The following KIF1A variants were observed in gnomAD, a reference collection of about 807,000 sequenced individuals.
KIF1A encodes kinesin-like protein KIF1A.
A neutral mutation model predicts 227.3 loss-of-function variants in KIF1A; 46 were observed. The observed-to-expected ratio is 0.20, with a 90% CI of 0.16 to 0.26. The LOEUF is 0.26. Among genes scored for constraint, KIF1A ranks in the 10% least tolerant of loss-of-function variants. KIF1A has a pLI of 1.00. For synonymous variants in KIF1A, 1,022 were observed against 1,012.8 expected, an observed-to-expected ratio of 1.01 and a Z score of -0.17; for missense variants, 1,683 against 2,485.9, an observed-to-expected ratio of 0.68 and a Z score of 6.87.
At chr2:240,807,104 G>A (rs1396817617) in intron 1 of KIF1A, among the ~76,000 whole-genome samples, 20 of 101,504 alleles carry the variant, frequency 2.0e-4, no homozygotes, top group African/African-American at 5.5e-4. Context: ...GTGTGTGTGT[G>A]TGTGTGTGTG....
chr2:240,766,886 T>C lies in KIF1A; in HGVS notation c.1684+29A>G, dbSNP rs2051276626. 1.3e-6 allele frequency: 2 copies of C among 1,495,556 alleles called. No homozygotes were observed. The highest frequency in any genetic ancestry group is 1.4e-5 in the African/African-American group (1 of 72,348). The allele number at this position is 1,495,556 out of a possible 1,614,324, so 92.6% of individuals were successfully genotyped here. A position where few individuals can be genotyped will look rare whatever the true frequency, so the allele number is the denominator to read the frequency against. ...GATCATCACGGCACAGGGGCATGGG[T>C]GCGGGTAGGGACGGTAGGGTGGTGA... On this transcript the variant is annotated intron_variant, in intron 19 of 48. Transcript: ENST00000498729. The surrounding 1 kb of genome is among the most constrained non-coding windows in gnomAD (Gnocchi z 5.0).
rs1355083348 is a variant in KIF1A at position 240,820,101 on chromosome 2, C to G, written c.-61+21G>C. 1 of 150,846 alleles carries G rather than the reference C, an allele frequency of 6.6e-6. No individual in the cohort carries two copies. Among genetic ancestry groups the G allele is most frequent in the African/African-American group, 2.4e-5 (1 of 41,030 alleles). The allele number at this position is 150,846 out of a possible 1,614,324, so 9.3% of individuals were successfully genotyped here. A position where few individuals can be genotyped will look rare whatever the true frequency, so the allele number is the denominator to read the frequency against. Reference sequence around the variant, plus strand: ...GGGCGAGGGGCGCGGGCGCGGGAGGCCGGGCGGGCGGCGGCCTTACCTCTC... The same window carrying G: ...GGGCGAGGGGCGCGGGCGCGGGAGGGCGGGCGGGCGGCGGCCTTACCTCTC... On this transcript the variant is annotated intron_variant, in intron 1 of 48. Coordinates refer to ENST00000498729, the MANE Select transcript of KIF1A (RefSeq NM_001244008.2). This position sits in a 1 kb window ranked among gnomAD's most constrained non-coding sequence, Gnocchi z 6.2.
At chr2:240,719,520 C>T (rs2045013109) in intron 46 of KIF1A, among the ~76,000 whole-genome samples, 1 of 152,262 alleles carries the variant, frequency 6.6e-6, no homozygotes, top group African/African-American at 2.4e-5. Flanking sequence ...ACCCCACCCA[C>T]TCCCCTGTGC....
At chr2:240,731,737 C>A (rs574914157) in intron 38 of KIF1A, among the ~76,000 whole-genome samples, 10 of 152,310 alleles carry the variant, frequency 6.6e-5, no homozygotes, top group African/African-American at 1.2e-4. Context: ...ACTGGGAAGA[C>A]CCCCACAGTC....
chr2:240,795,330 G>T (rs981255855), intron 2 of KIF1A, among the ~76,000 whole-genome samples: 4 of 152,210 alleles, frequency 2.6e-5, no homozygotes, highest in African/African-American at 9.6e-5. Flanking sequence ...CTCGCTTCAG[G>T]TTTCAATCCC....
At chr2:240,764,650 A>G in intron 20 of KIF1A, among the ~76,000 whole-genome samples, 1 of 152,064 alleles carries the variant, frequency 6.6e-6, no homozygotes, top group East Asian at 1.9e-4. Context: ...TTCCAAGCCA[A>G]TGGTCACTTT....
At chr2:240,794,780 T>C (rs1183844411) in intron 2 of KIF1A, among the ~76,000 whole-genome samples, 1 of 152,206 alleles carries the variant, frequency 6.6e-6, no homozygotes, top group African/African-American at 2.4e-5. Flanking sequence ...TGCCTGTCCC[T>C]GCCACCCTCA....
chr2:240,777,787 C>A (rs1329786656), intron 10 of KIF1A, among the ~76,000 whole-genome samples: 1 of 152,224 alleles, frequency 6.6e-6, no homozygotes, highest in Non-Finnish European at 1.5e-5. Flanking sequence ...CCGGCTCCTG[C>A]CGGCCTCGCC....
Position 240,760,713 on chromosome 2 carries a change from T to G in KIF1A, c.2396A>C (p.Gln799Pro), listed in dbSNP as rs1184697686. ...FPRTIVAVEV[Q>P]DQKNGATHYW... ...GTGGGTGGCCCCGTTCTTCTGGTCC[T>G]GGACCTCCACGGCCACAATGGTGCG... The change falls in exon 25 of 49, where the codon CAG (glutamine) becomes CCG (proline). Residue 799 changes from glutamine (Q) to proline (P), a missense_variant. Coordinates refer to ENST00000498729, the MANE Select transcript of KIF1A (RefSeq NM_001244008.2). The G allele has an allele frequency of 1.3e-6, 2 of 1,585,736 alleles. No individual in the cohort carries two copies. Among genetic ancestry groups the G allele is most frequent in the Non-Finnish European group, 8.6e-7 (1 of 1,165,376 alleles).
rs80029342 is a variant in KIF1A at position 240,725,443 on chromosome 2, C to T, written c.4123-39G>A. ...GAGCAGGACTCAGGCACAAGGACAC[C>T]CCGAGTGCCCAGGTGCCCTTCCAGC... On this transcript the variant is annotated intron_variant, in intron 39 of 48. Transcript: ENST00000498729. This position sits in a 1 kb window ranked among gnomAD's most constrained non-coding sequence, Gnocchi z 5.8. 1.1e-3 allele frequency: 1,813 copies of T among 1,604,110 alleles called. 11 individuals are homozygous for T. The African/African-American group carries it at 0.02, about 18-fold the overall frequency.
Position 240,806,171 on chromosome 2 carries a change from G to A in KIF1A, c.-60-8359C>T, listed in dbSNP as rs778849791. On this transcript the variant is annotated intron_variant, in intron 1 of 48. Coordinates refer to ENST00000498729, the MANE Select transcript of KIF1A (RefSeq NM_001244008.2). ...AGGCACAGCAAGGTAGGACCCAAGCGCCTTGGCAGCTTTGACAGGTTGAGA... is the reference window on the plus strand; with the variant it reads ...AGGCACAGCAAGGTAGGACCCAAGCACCTTGGCAGCTTTGACAGGTTGAGA... Among the ~76,000 whole-genome samples, 15 of 152,210 alleles carry A rather than the reference G, an allele frequency of 9.9e-5. No individual in the cohort carries two copies. The South Asian group carries it at 1.0e-3, about 11-fold the overall frequency.
chr2:240,732,191 G>A lies in KIF1A; in HGVS notation c.4007+4872C>T, dbSNP rs535207221. Reference sequence around the variant, plus strand: ...AGGATAAAGGGAGGAGAGAATGAGCGGTGGAGGGGATGAGGCGTGAGGGGA... The same window carrying A: ...AGGATAAAGGGAGGAGAGAATGAGCAGTGGAGGGGATGAGGCGTGAGGGGA... On this transcript the variant is annotated intron_variant, in intron 38 of 48. Transcript: ENST00000498729. 2.8e-3 allele frequency among the ~76,000 whole-genome samples: 300 copies of A among 106,448 alleles called. 4 individuals are homozygous for A. Among genetic ancestry groups the A allele is most frequent in the African/African-American group, 0.011 (278 of 25,768 alleles). 69.8% of individuals were successfully genotyped at this position (106,448 alleles called of 152,430 possible).
chr2:240,766,749 T>TCTCTCTCA lies in KIF1A; in HGVS notation c.1684+165_1684+166insTGAGAGAG, dbSNP rs1454271542. Among the ~76,000 whole-genome samples the TCTCTCTCA allele has an allele frequency of 8.4e-4, 92 of 109,018 alleles. 1 individual carries two copies. Among genetic ancestry groups the TCTCTCTCA allele is most frequent in the Middle Eastern group, 5.6e-3 (1 of 178 alleles). 71.5% of individuals were successfully genotyped at this position (109,018 alleles called of 152,430 possible). On this transcript the variant is annotated intron_variant, in intron 19 of 48. Transcript: ENST00000498729. This position sits in a 1 kb window ranked among gnomAD's most constrained non-coding sequence, Gnocchi z 5.0. ...CTCTCTCTCTCTCTCTCTCTCTCTC[T>TCTCTCTCA]CACACACACACACACACACACACAC...
chr2:240,802,964 G>A (rs1026311028), intron 1 of KIF1A, among the ~76,000 whole-genome samples: 5 of 152,194 alleles, frequency 3.3e-5, no homozygotes, highest in African/African-American at 1.2e-4. Context: ...CACAGAATGT[G>A]TGCTAAAATT....
rs200511467 is a variant in KIF1A, at chr2:240,719,065, C to G, written c.5155G>C (p.Val1719Leu). ...ACCTGGGCAGTGGCCAGGTTGAGCACGAACCGCTCCACGGTGTCCTTGTCG... is the reference window on the plus strand; with the variant it reads ...ACCTGGGCAGTGGCCAGGTTGAGCAGGAACCGCTCCACGGTGTCCTTGTCG... ...NSDKDTVERF[V>L]LNLATAQVEY... The change falls in exon 47 of 49, where the codon GTG (valine) becomes CTG (leucine). Residue 1719 changes from valine (V) to leucine (L), a missense_variant. Physicochemically the swap from Val to Leu is conservative, Grantham distance 32. Coordinates refer to ENST00000498729, the MANE Select transcript of KIF1A (RefSeq NM_001244008.2). 6.2e-7 allele frequency: 1 copy of G among 1,612,424 alleles called. No individual in the cohort carries two copies. The highest frequency in any genetic ancestry group is 8.5e-7 in the Non-Finnish European group (1 of 1,179,660).
rs1194331238 is a variant in KIF1A at position 240,740,895 on chromosome 2, C to G, written c.3749+374G>C. On this transcript the variant is annotated intron_variant, in intron 35 of 48. Transcript: ENST00000498729. This position sits in a 1 kb window ranked among gnomAD's most constrained non-coding sequence, Gnocchi z 6.1. ...ACCCTGGGGCCCTGGAACCTGCCTC[C>G]CCAGGGCCTCAGGGCTCCCCTCCCA... is the stretch of plus-strand genomic sequence containing the variant. 6.6e-6 allele frequency among the ~76,000 whole-genome samples: 1 copy of G among 151,928 alleles called. No homozygotes were observed. The highest frequency in any genetic ancestry group is 1.5e-5 in the Non-Finnish European group (1 of 67,950).
At chr2:240,745,123 C>A (rs2048431955) in intron 32 of KIF1A, among the ~76,000 whole-genome samples, 1 of 152,250 alleles carries the variant, frequency 6.6e-6, no homozygotes, top group East Asian at 1.9e-4. Context: ...GGCTGAGCAC[C>A]CCCGGCCCTC....
rs540546109 is a variant in KIF1A at position 240,793,313 on chromosome 2, C to T, written c.107-4001G>A. Among the ~76,000 whole-genome samples the T allele has an allele frequency of 5.3e-5, 8 of 152,310 alleles. No individual in the cohort carries two copies. The highest frequency in any genetic ancestry group is 4.1e-4 in the South Asian group (2 of 4,826). On this transcript the variant is annotated intron_variant, in intron 2 of 48. Coordinates refer to ENST00000498729, the MANE Select transcript of KIF1A (RefSeq NM_001244008.2). This position sits in a 1 kb window ranked among gnomAD's most constrained non-coding sequence, Gnocchi z 4.8. ...ATATGATTGGGGACCTCAGGGAGTA[C>T]CCAGCACCACCCCTCACTACTGCAC... is the stretch of plus-strand genomic sequence containing the variant.
chr2:240,814,902 G>A (rs2058205075), intron 1 of KIF1A, among the ~76,000 whole-genome samples: 1 of 152,228 alleles, frequency 6.6e-6, no homozygotes, highest in Admixed American at 6.5e-5. Context: ...GGGTGACAGA[G>A]TGAGACCCTG....
Sources: gnomAD v4.1 joint callset for allele counts (sites outside exome capture counted in the v4.1 genomes callset) on GRCh38, gnomAD v4.1.1 for gene constraint, Gnocchi (gnomAD v3.1) non-coding constraint, MANE v1.5 for transcripts, NCBI Gene and HGNC (gene_info 2026-07-23, HGNC 2026-07-21) for gene names.